Variants in SLC71A2 observed in about 807,000 individuals in gnomAD.
The protein encoded by SLC71A2 is hippocampus abundant transcript-like 1.
At chr9:94,399,734 G>T in the SLC71A2 span, among the ~76,000 whole-genome samples, 12 of 151,956 alleles carry the variant, frequency 7.9e-5, no homozygotes, top group African/African-American at 2.7e-4. Context: ...GAAATGCCAG[G>T]TGGTCGATCT....
the SLC71A2 span, among the ~76,000 whole-genome samples, chr9:94,381,335 T>G: frequency 6.6e-6 from 1 of 151,304 alleles, no homozygotes; most frequent in South Asian, 2.1e-4. Context: ...TGCCCCCAGC[T>G]GGTTTGAATT....
chr9:94,403,491 ACAGT>A, the SLC71A2 span, among the ~76,000 whole-genome samples: 3 of 149,066 alleles, frequency 2.0e-5, no homozygotes, highest in Non-Finnish European at 4.4e-5. Context: ...CCATGTTGTG[ACAGT>A]CAGTTTCCTT....
At chr9:94,386,442 G>A in the SLC71A2 span, among the ~76,000 whole-genome samples, 3 of 151,058 alleles carry the variant, frequency 2.0e-5, no homozygotes, top group Non-Finnish European at 4.4e-5. Context: ...GTGGAAACAT[G>A]CATAGGCTCA....
chr9:94,413,605 A>ATCCCAG, the SLC71A2 span, among the ~76,000 whole-genome samples: 2,679 of 144,900 alleles, frequency 0.018, 64 homozygotes, highest in African/African-American at 0.065. Flanking sequence ...CTTTGCAGTA[A>ATCCCAG]GCTGAGATCA....
chr9:94,377,687 C>T, the SLC71A2 span, among the ~76,000 whole-genome samples: 2 of 151,840 alleles, frequency 1.3e-5, no homozygotes, highest in Non-Finnish European at 2.9e-5. Flanking sequence ...GGCCTGACAA[C>T]TTTTTTCTAC....
chr9:94,380,264 C>T, the SLC71A2 span, among the ~76,000 whole-genome samples: 1 of 151,366 alleles, frequency 6.6e-6, no homozygotes, highest in Admixed American at 6.6e-5. Flanking sequence ...GAGCGAGACT[C>T]TTTCTCAAAA....
the SLC71A2 span, chr9:94,441,177 T>C: frequency 1.4e-6 from 1 of 719,400 alleles, no homozygotes; most frequent in South Asian, 2.3e-5. Flanking sequence ...GAAAGTGAGT[T>C]TATTAGTCCT....
At chr9:94,386,642 C>T in the SLC71A2 span, among the ~76,000 whole-genome samples, 1 of 152,082 alleles carries the variant, frequency 6.6e-6, no homozygotes, top group East Asian at 1.9e-4. Context: ...TTAGCTCTCA[C>T]TTTCATGTCA....
At chr9:94,458,257 TG>T in the SLC71A2 span, 3 of 1,466,144 alleles carry the variant, frequency 2.0e-6, no homozygotes, top group Non-Finnish European at 2.8e-6. Flanking sequence ...GAAAGTACTG[TG>T]CAGCTCCAAA....
chr9:94,431,254 A>G, the SLC71A2 span, among the ~76,000 whole-genome samples: 1 of 151,882 alleles, frequency 6.6e-6, no homozygotes, highest in African/African-American at 2.4e-5. Flanking sequence ...TGGAGGTTGC[A>G]GTGAGCTGAG....
the SLC71A2 span, chr9:94,456,212 CCTGA>C: frequency 6.4e-7 from 1 of 1,572,838 alleles, no homozygotes; most frequent in Non-Finnish European, 8.7e-7. Flanking sequence ...TGACCTGCTG[CCTGA>C]CTGTGCCTGT....
chr9:94,414,729 G>A, the SLC71A2 span, among the ~76,000 whole-genome samples: 2 of 151,944 alleles, frequency 1.3e-5, no homozygotes, highest in South Asian at 2.1e-4. Flanking sequence ...GCGGGATTTC[G>A]GCTCACTGCA....
chr9:94,423,942 CT>C, the SLC71A2 span, among the ~76,000 whole-genome samples: 23,038 of 151,972 alleles, frequency 0.15, 1,811 homozygotes, highest in Middle Eastern at 0.27. Context: ...TTTAAGACAA[CT>C]TTTTCTACCA....
chr9:94,433,697 T>A, the SLC71A2 span, among the ~76,000 whole-genome samples: 23,063 of 152,188 alleles, frequency 0.15, 2,423 homozygotes, highest in Non-Finnish European at 0.22. Context: ...TATGCATAAG[T>A]ACATTTCTAA....
chr9:94,452,803 T>C, the SLC71A2 span, among the ~76,000 whole-genome samples: 2 of 150,810 alleles, frequency 1.3e-5, no homozygotes, highest in Admixed American at 1.3e-4. Context: ...ATTAACCATT[T>C]CCCTATCTAT....
At chr9:94,460,325 C>T in the SLC71A2 span, 2 of 152,618 alleles carry the variant, frequency 1.3e-5, no homozygotes, top group South Asian at 4.1e-4. Context: ...TTTGCTTCTT[C>T]CCATGTCTTC....
At chr9:94,412,673 A>G in the SLC71A2 span, among the ~76,000 whole-genome samples, 2 of 144,730 alleles carry the variant, frequency 1.4e-5, no homozygotes, top group African/African-American at 5.2e-5. Flanking sequence ...GACACATGCT[A>G]CAACATGGAT....
At chr9:94,381,370 A>AT in the SLC71A2 span, among the ~76,000 whole-genome samples, 1 of 138,886 alleles carries the variant, frequency 7.2e-6, no homozygotes, top group Non-Finnish European at 1.6e-5. Flanking sequence ...TTTTTTTGTT[A>AT]TTTTATAAAT....
chr9:94,413,332 G>A, the SLC71A2 span, among the ~76,000 whole-genome samples: 1 of 152,166 alleles, frequency 6.6e-6, no homozygotes. Flanking sequence ...TTATACCATG[G>A]TTATAGAAGA....
Sources: allele counts gnomAD v4.1 joint callset (sites outside exome capture counted in the v4.1 genomes callset), GRCh38; gene constraint gnomAD v4.1.1; transcripts MANE v1.5; gene names NCBI Gene and HGNC (gene_info 2026-07-23, HGNC 2026-07-21).